RYR2: variants seen among roughly 807,000 people sequenced by gnomAD.
RYR2 encodes the protein cardiac muscle ryanodine receptor-calcium release channel.
RYR2 carries 227 observed loss-of-function variants against 601.1 expected under a neutral mutation model. The observed-to-expected ratio is 0.38, with a 90% confidence interval of 0.34 to 0.42. The LOEUF is 0.42. Among genes scored for constraint, RYR2 ranks in the 10% least tolerant of loss-of-function variants. RYR2 has a pLI of 1.00. For missense variants in RYR2, 4,646 were observed against 6,156.5 expected (o/e 0.75, Z 8.21); for synonymous variants, 2,223 against 2,175.1 (o/e 1.02, Z -0.61).
intron 3 of RYR2, among the ~76,000 whole-genome samples, chr1:237,334,250 T>C (rs1442003374): frequency 6.6e-6 from 1 of 152,014 alleles, no homozygotes; most frequent in Non-Finnish European, 1.5e-5. Flanking sequence ...AAGTAAATCA[T>C]GAACATTACG....
chr1:237,816,832 G>T (rs927069255), intron 100 of RYR2, among the ~76,000 whole-genome samples: 2 of 152,122 alleles, frequency 1.3e-5, no homozygotes, highest in African/African-American at 4.8e-5. Flanking sequence ...GCAGTTTCAA[G>T]CACCAAGTTT....
intron 1 of RYR2, among the ~76,000 whole-genome samples, chr1:237,245,272 C>T (rs1686694457): frequency 6.6e-6 from 1 of 152,046 alleles, no homozygotes; most frequent in Non-Finnish European, 1.5e-5. Context: ...TCTGATCAGC[C>T]TCTTTGGAAG....
At chr1:237,193,320 A>G (rs1441235767) in intron 1 of RYR2, among the ~76,000 whole-genome samples, 1 of 151,770 alleles carries the variant, frequency 6.6e-6, no homozygotes, top group Non-Finnish European at 1.5e-5. Flanking sequence ...AAAAAATATT[A>G]GCCAGGCATG....
chr1:237,262,989 C>A (rs1424741146), intron 1 of RYR2, among the ~76,000 whole-genome samples: 1 of 151,676 alleles, frequency 6.6e-6, no homozygotes, highest in Non-Finnish European at 1.5e-5. Context: ...AGATTATGTA[C>A]ACAAAGAGCA....
chr1:237,287,662 G>T (rs1338137682), intron 2 of RYR2, among the ~76,000 whole-genome samples: 2 of 152,102 alleles, frequency 1.3e-5, no homozygotes, highest in African/African-American at 4.8e-5. Flanking sequence ...CTGAATTTTT[G>T]ATTGTTTTTT....
At chr1:237,264,435 G>C (rs2149324279) in intron 1 of RYR2, among the ~76,000 whole-genome samples, 1 of 152,150 alleles carries the variant, frequency 6.6e-6, no homozygotes, top group East Asian at 1.9e-4. Flanking sequence ...GATGATTTGG[G>C]GAAGGCAACA....
chr1:237,782,561 C>T (rs1695210593), intron 89 of RYR2, among the ~76,000 whole-genome samples: 3 of 152,262 alleles, frequency 2.0e-5, no homozygotes, highest in Admixed American at 2.0e-4. Context: ...GCTTAAAGCC[C>T]TTAGTCGGTG....
At chr1:237,399,175 A>G (rs1373917929) in intron 10 of RYR2, among the ~76,000 whole-genome samples, 1 of 151,078 alleles carries the variant, frequency 6.6e-6, no homozygotes, top group Non-Finnish European at 1.5e-5. Context: ...GGCCTGGGCA[A>G]CAGAGTGAGT....
At chr1:237,726,556 G>A (rs367678104) in intron 75 of RYR2, among the ~76,000 whole-genome samples, 61 of 152,044 alleles carry the variant, frequency 4.0e-4, no homozygotes, top group African/African-American at 1.1e-3. Flanking sequence ...TTCACAAAGC[G>A]TTGTCTTCTT....
At chr1:237,806,924 G>A (rs1189872789) in intron 99 of RYR2, among the ~76,000 whole-genome samples, 1 of 152,168 alleles carries the variant, frequency 6.6e-6, no homozygotes, top group African/African-American at 2.4e-5. Context: ...AGTGTGCACT[G>A]ATCCGTTCAC....
At chr1:237,612,784 C>T (rs558794199) in intron 36 of RYR2, among the ~76,000 whole-genome samples, 4 of 152,122 alleles carry the variant, frequency 2.6e-5, no homozygotes, top group African/African-American at 9.7e-5. Context: ...ATGCTATCAT[C>T]GAAAACCAAC....
chr1:237,543,004 G>C (rs1349078834), intron 25 of RYR2, among the ~76,000 whole-genome samples: 3 of 152,146 alleles, frequency 2.0e-5, no homozygotes, highest in Admixed American at 1.3e-4. Flanking sequence ...GAGGCCCTGG[G>C]TTCTTTATCT....
At chr1:237,711,971 A>G in intron 71 of RYR2, 134 bp downstream of exon 71, 5 of 616,826 alleles carry the variant, frequency 8.1e-6, no homozygotes, top group Non-Finnish European at 1.5e-5. Context: ...AATTGGTTCA[A>G]ATATGCAAGC....
chr1:237,481,570 C>T (rs1222498737), intron 17 of RYR2, among the ~76,000 whole-genome samples: 5 of 152,246 alleles, frequency 3.3e-5, no homozygotes, highest in East Asian at 1.9e-4. Context: ...TCAAGCTAGA[C>T]GTTTCTATAG....
At chr1:237,183,557 G>T (rs1806641) in intron 1 of RYR2, among the ~76,000 whole-genome samples, 61,176 of 152,020 alleles carry the variant, frequency 0.4, 14,649 homozygotes, top group Non-Finnish European at 0.53. Context: ...TATTGAAATG[G>T]TAATATGACG....
rs560039539 is a variant in RYR2, at chr1:237,692,813, T to C, written c.9067+5309T>C. Reference sequence around the variant, plus strand: ...CCTTGATAATACTCCGTCCTGCTACTATTATAATAGTCTCTGGTGCCGTGT... The same window carrying C: ...CCTTGATAATACTCCGTCCTGCTACCATTATAATAGTCTCTGGTGCCGTGT... On this transcript the variant is annotated intron_variant, in intron 63 of 104. Coordinates refer to ENST00000366574, the MANE Select transcript of RYR2 (RefSeq NM_001035.3). 1.1e-4 allele frequency among the ~76,000 whole-genome samples: 17 copies of C among 152,356 alleles called. No individual in the cohort carries two copies. In the South Asian group the frequency reaches 3.1e-3, roughly 28 times the overall value.
chr1:237,706,894 A>G (rs1280630921), intron 67 of RYR2, 55 bp from the exon 68 acceptor site: 3 of 1,428,242 alleles, frequency 2.1e-6, no homozygotes, highest in East Asian at 2.3e-5. Context: ...GAAATCCGCC[A>G]TATCATCTCA....
intron 12 of RYR2, among the ~76,000 whole-genome samples, chr1:237,440,412 C>A (rs1329174201): frequency 6.6e-6 from 1 of 152,094 alleles, no homozygotes; most frequent in African/African-American, 2.4e-5. Context: ...AAAGGAGGTA[C>A]CTTTGGCTTT....
At chr1:237,743,667 G>A (rs752417407) in intron 80 of RYR2, 24 of 512,572 alleles carry the variant, frequency 4.7e-5, no homozygotes, top group African/African-American at 1.9e-4. Context: ...TCTGAGTTTC[G>A]GTTTCTTGTG....
Sources: gnomAD v4.1 joint callset for allele counts (sites outside exome capture counted in the v4.1 genomes callset) on GRCh38, gnomAD v4.1.1 for gene constraint, MANE v1.5 for transcripts, NCBI Gene and HGNC (gene_info 2026-07-23, HGNC 2026-07-21) for gene names.